GABRA4: variants seen among roughly 807,000 people sequenced by gnomAD.
The protein encoded by GABRA4 is gamma-aminobutyric acid receptor subunit alpha-4.
Under a neutral mutation model 49.7 loss-of-function variants are expected in GABRA4, and 12 were observed. That is an observed-to-expected ratio of 0.24 (90% CI 0.15 to 0.39). The LOEUF (loss-of-function observed/expected upper bound fraction) is 0.39. GABRA4 is among the 10% of genes least tolerant of loss of function. The probability of loss-of-function intolerance (pLI) is 1.00; values close to 1 mark genes in which losing one functional copy is unlikely to be tolerated. For synonymous variants in GABRA4, 288 were observed against 240.2 expected (o/e 1.20, Z -1.84); for missense variants, 506 against 686.0 (o/e 0.74, Z 2.93).
chr4:46,977,717 C>CA, intron 3 of GABRA4, 87 bp from the exon 4 acceptor site: 1 of 874,844 alleles, frequency 1.1e-6, no homozygotes, highest in Non-Finnish European at 1.7e-6. Context: ...TGTCTTCCTT[C>CA]ATGCTCATAA....
chr4:46,965,319 T>C, intron 7 of GABRA4, 90 bp from the exon 8 acceptor site: 1 of 1,130,162 alleles, frequency 8.8e-7, no homozygotes. Flanking sequence ...TAGAAAATCA[T>C]GTGGAATAGG....
chr4:46,953,372 T>A (rs1336766674), intron 8 of GABRA4, among the ~76,000 whole-genome samples: 2 of 152,128 alleles, frequency 1.3e-5, no homozygotes, highest in Non-Finnish European at 2.9e-5. Flanking sequence ...CCTGATGTAG[T>A]ATTTCAGGGC....
intron 8 of GABRA4, among the ~76,000 whole-genome samples, chr4:46,957,342 C>A (rs1032525661): frequency 3.3e-5 from 5 of 151,616 alleles, no homozygotes; most frequent in African/African-American, 7.3e-5. Flanking sequence ...TTAACATAAT[C>A]TTTTCTTAAG....
chr4:46,933,780 G>T (rs746452523), intron 8 of GABRA4, among the ~76,000 whole-genome samples: 1 of 152,130 alleles, frequency 6.6e-6, no homozygotes, highest in Admixed American at 6.6e-5. Flanking sequence ...ATGCACAGTG[G>T]TTTCGAACAA....
rs1553903644 is a variant in GABRA4, at chr4:46,950,737, A to AATTAATTAATTAATT, written c.1134+14232_1134+14233insAATTAATTAATTAAT. 4.1e-3 allele frequency among the ~76,000 whole-genome samples: 511 copies of AATTAATTAATTAATT among 125,278 alleles called. 4 individuals carry two copies. The South Asian group carries it at 0.044, about 11-fold the overall frequency. 82.2% of individuals were successfully genotyped at this position (125,278 alleles called of 152,430 possible). ...TAAGAAAATAAATAAATAAATAAAT[A>AATTAATTAATTAATT]AATAAATAAATTACTATATGCTTGT... On this transcript the variant is annotated intron_variant, in intron 8 of 8. Coordinates refer to ENST00000264318, the MANE Select transcript of GABRA4 (RefSeq NM_000809.4).
intron 8 of GABRA4, among the ~76,000 whole-genome samples, chr4:46,935,371 A>G (rs1721570888): frequency 6.6e-6 from 1 of 152,208 alleles, no homozygotes; most frequent in South Asian, 2.1e-4. Flanking sequence ...CATGTAAGGC[A>G]CTTAGCTTAA....
At chr4:46,972,350 T>C (rs947063183) in intron 6 of GABRA4, among the ~76,000 whole-genome samples, 5 of 151,598 alleles carry the variant, frequency 3.3e-5, no homozygotes, top group African/African-American at 1.2e-4. Context: ...TGGGCTAAAT[T>C]CCTTTTTAAA....
intron 8 of GABRA4, among the ~76,000 whole-genome samples, chr4:46,960,172 A>T (rs1206613592): frequency 6.6e-6 from 1 of 151,726 alleles, no homozygotes; most frequent in Non-Finnish European, 1.5e-5. Flanking sequence ...TTGAGGAAAA[A>T]ACATTATATG....
chr4:46,952,271 G>A (rs1163751581), intron 8 of GABRA4, among the ~76,000 whole-genome samples: 2 of 152,002 alleles, frequency 1.3e-5, no homozygotes, highest in Admixed American at 1.3e-4. Flanking sequence ...ATTCATCGTG[G>A]CAGCAAAAGA....
At chr4:46,970,264 G>A (rs1577781332) in intron 7 of GABRA4, among the ~76,000 whole-genome samples, 1 of 151,348 alleles carries the variant, frequency 6.6e-6, no homozygotes, top group African/African-American at 2.4e-5. Context: ...AAATCAAAGA[G>A]GAATTGGCAC....
intron 2 of GABRA4, among the ~76,000 whole-genome samples, chr4:46,987,523 C>T (rs900009519): frequency 2.6e-5 from 4 of 152,074 alleles, no homozygotes; most frequent in African/African-American, 9.7e-5. Context: ...TCCTCCCCAG[C>T]TTTAAATAAC....
At chr4:46,987,366 A>G (rs2109406758) in intron 2 of GABRA4, among the ~76,000 whole-genome samples, 1 of 152,162 alleles carries the variant, frequency 6.6e-6, no homozygotes, top group South Asian at 2.1e-4. Context: ...TAATTATTCT[A>G]CTTAAAATTG....
chr4:46,973,381 A>T (rs1300627799), intron 6 of GABRA4, among the ~76,000 whole-genome samples: 1 of 151,718 alleles, frequency 6.6e-6, no homozygotes, highest in Non-Finnish European at 1.5e-5. Flanking sequence ...TGGGGTCCCC[A>T]TGTGAGGACT....
intron 8 of GABRA4, among the ~76,000 whole-genome samples, chr4:46,933,050 G>A (rs1327903874): frequency 6.6e-6 from 1 of 152,120 alleles, no homozygotes; most frequent in Non-Finnish European, 1.5e-5. Context: ...GTCTAAGGTG[G>A]TTAGAAAAAA....
intron 8 of GABRA4, among the ~76,000 whole-genome samples, chr4:46,948,680 T>C (rs1350447896): frequency 1.3e-5 from 2 of 152,128 alleles, no homozygotes; most frequent in Non-Finnish European, 2.9e-5. Context: ...AACACTTGGA[T>C]TCATACTGTC....
At chr4:46,951,966 C>T (rs964582450) in intron 8 of GABRA4, among the ~76,000 whole-genome samples, 3 of 151,856 alleles carry the variant, frequency 2.0e-5, no homozygotes, top group Non-Finnish European at 4.4e-5. Context: ...CACTAGGAAG[C>T]CTAAAACTGT....
At position 46,922,374 on chromosome 4, in the gene GABRA4, C is replaced by T. The variant is rs577240899; in HGVS notation, c.*5851G>A. On this transcript the variant is annotated 3_prime_UTR_variant, in exon 9 of 9. Transcript: ENST00000264318. ...AGCTTCTGTGGGCTGATCTGACTCA[C>T]CCTCCCACCACTTCCCACACTGTAG... The T allele has an allele frequency of 6.6e-6, 1 of 152,186 alleles. No homozygotes were observed. The highest frequency in any genetic ancestry group is 1.9e-4 in the East Asian group (1 of 5,156). The allele number at this position is 152,186 out of a possible 1,614,324, so 9.4% of individuals were successfully genotyped here.
At chr4:46,983,221 T>G (rs1723418937) in intron 2 of GABRA4, among the ~76,000 whole-genome samples, 1 of 152,138 alleles carries the variant, frequency 6.6e-6, no homozygotes, top group Non-Finnish European at 1.5e-5. Flanking sequence ...ATTAATTACT[T>G]AAGCAAATGT....
chr4:46,959,222 T>C (rs1722473002), intron 8 of GABRA4, among the ~76,000 whole-genome samples: 1 of 151,892 alleles, frequency 6.6e-6, no homozygotes, highest in Admixed American at 6.6e-5. Context: ...TGACAAGTGA[T>C]ACTGTAAAAC....
Sources: gnomAD v4.1 joint callset for allele counts (sites outside exome capture counted in the v4.1 genomes callset) on GRCh38, gnomAD v4.1.1 for gene constraint, MANE v1.5 for transcripts, NCBI Gene and HGNC (gene_info 2026-07-23, HGNC 2026-07-21) for gene names.